Variants in TAX1BP1 observed in about 807,000 individuals in gnomAD.
The protein encoded by TAX1BP1 is Tax1 binding protein 1.
In TAX1BP1, 62 loss-of-function variants were observed where a neutral mutation model predicts 97.7. That is an observed-to-expected ratio of 0.63 (90% confidence interval 0.52 to 0.78). The LOEUF is 0.78. TAX1BP1 is among the 30% of genes least tolerant of loss of function. The pLI, the probability that TAX1BP1 is intolerant of heterozygous loss-of-function variation, is 0.00. For missense variants in TAX1BP1, 867 were observed against 916.1 expected (o/e 0.95, Z 0.69); for synonymous variants, 340 against 304.2 (o/e 1.12, Z -1.23).
intron 5 of TAX1BP1, 73 bp from the exon 6 acceptor site, chr7:27,785,090 T>G: frequency 1.4e-6 from 2 of 1,454,446 alleles, no homozygotes; most frequent in Non-Finnish European, 1.8e-6. Context: ...CATAGTTTTC[T>G]TAAAGATATG....
At chr7:27,815,142 C>T (rs1404882458) in intron 13 of TAX1BP1, among the ~76,000 whole-genome samples, 1 of 152,106 alleles carries the variant, frequency 6.6e-6, no homozygotes, top group African/African-American at 2.4e-5. Context: ...CTTAATTTTG[C>T]CTTGATCCAC....
rs556433088 is a variant in TAX1BP1 at position 27,743,314 on chromosome 7, C to CT, written c.-8+3052dup. ...GGTCTGTTGAGAGTTGTTAGTCTTT[C>CT]TTTTTTTGAGCCACAGTGTGAATAA... On this transcript the variant is annotated intron_variant, in intron 1 of 16. Transcript: ENST00000396319. Among the ~76,000 whole-genome samples, 12 of 152,144 alleles carry CT rather than the reference C, an allele frequency of 7.9e-5. No individual in the cohort carries two copies. In the East Asian group the frequency reaches 2.3e-3, roughly 29 times the overall value.
At chr7:27,748,732 T>C (rs1442773179) in intron 2 of TAX1BP1, 46 bp downstream of exon 2, 3 of 1,411,938 alleles carry the variant, frequency 2.1e-6, no homozygotes, top group Admixed American at 2.4e-5. Flanking sequence ...CACTTAAAAT[T>C]TTCTTTTAAA....
chr7:27,804,365 G>A (rs550390369), intron 13 of TAX1BP1, among the ~76,000 whole-genome samples: 161 of 152,246 alleles, frequency 1.1e-3, no homozygotes, highest in African/African-American at 3.7e-3. Context: ...TTGTCCTTTG[G>A]CATTCTACTA....
In TAX1BP1 at chr7:27,748,660, C is replaced by G. The variant is rs1236844016; in HGVS notation, c.136C>G (p.Pro46Ala). Reference sequence around the variant, plus strand: ...CTTAACTCCATATATTCATCCACATCCAAAAGATTGGGTTGGTATATTCAA... The same window carrying G: ...CTTAACTCCATATATTCATCCACATGCAAAAGATTGGGTTGGTATATTCAA... The part of the protein sequence containing the change: ...YTLTPYIHPH[P>A]KDWVGIFKVG... Residue 46 changes from proline to alanine, a missense_variant, in exon 2 of 17, where the codon CCA (proline) becomes GCA (alanine). Around this residue, in one of 3 missense-constraint regions of TAX1BP1, gnomAD observed 822 missense variants for 851.4 expected, o/e 0.97. Transcript: ENST00000396319. 1 of 1,558,484 alleles carries G rather than the reference C, an allele frequency of 6.4e-7. No individual in the cohort carries two copies.
chr7:27,783,489 T>C (rs1185097923), intron 5 of TAX1BP1, among the ~76,000 whole-genome samples: 1 of 152,178 alleles, frequency 6.6e-6, no homozygotes, highest in Admixed American at 6.5e-5. Flanking sequence ...ATCAGGTGCC[T>C]TTATGGGCAC....
intron 13 of TAX1BP1, among the ~76,000 whole-genome samples, chr7:27,815,454 C>T (rs1790731186): frequency 6.6e-6 from 1 of 152,028 alleles, no homozygotes; most frequent in Non-Finnish European, 1.5e-5. Context: ...TGTTGAACTG[C>T]ATTTGGTTTT....
At chr7:27,765,259 A>G (rs1276255675) in intron 3 of TAX1BP1, among the ~76,000 whole-genome samples, 3 of 151,656 alleles carry the variant, frequency 2.0e-5, no homozygotes, top group Non-Finnish European at 4.4e-5. Flanking sequence ...GCTCAAGCGA[A>G]TCTGCCCACC....
At chr7:27,758,321 A>C (rs1008128540) in intron 3 of TAX1BP1, 188 bp downstream of exon 3, 4 of 391,110 alleles carry the variant, frequency 1.0e-5, no homozygotes, top group Non-Finnish European at 1.4e-5. Flanking sequence ...TTTTATGTAG[A>C]CATTTAAAAG....
intron 2 of TAX1BP1, 80 bp from the exon 3 acceptor site, chr7:27,757,951 A>T: frequency 1.3e-6 from 1 of 757,372 alleles, no homozygotes; most frequent in East Asian, 2.6e-5. Context: ...TGTAAAATAC[A>T]ATAAATAAAC....
intron 3 of TAX1BP1, among the ~76,000 whole-genome samples, chr7:27,764,437 G>A (rs1788541604): frequency 6.6e-6 from 1 of 152,176 alleles, no homozygotes; most frequent in South Asian, 2.1e-4. Context: ...TGGGAAGAAT[G>A]CCATAGAAAC....
intron 8 of TAX1BP1, among the ~76,000 whole-genome samples, chr7:27,788,886 T>C (rs1047763634): frequency 6.6e-6 from 1 of 152,070 alleles, no homozygotes; most frequent in Non-Finnish European, 1.5e-5. Flanking sequence ...ACTATGGGGC[T>C]GCTGCTTTGC....
Position 27,827,830 on chromosome 7 carries a change from T to C in TAX1BP1, c.2168+10T>C. ...TTTGCTTTGATTCCAGGTAGTTTTC[T>C]TCTTTACTTTGTAGAATTTGGGTTA... On this transcript the variant is annotated intron_variant, in intron 16 of 16. Coordinates refer to ENST00000396319, the MANE Select transcript of TAX1BP1 (RefSeq NM_006024.7). 1.9e-6 allele frequency: 3 copies of C among 1,612,336 alleles called. No homozygotes were observed. In the South Asian group the frequency reaches 3.3e-5, roughly 18 times the overall value.
chr7:27,805,090 T>C (rs1425787635), intron 13 of TAX1BP1, among the ~76,000 whole-genome samples: 1 of 152,228 alleles, frequency 6.6e-6, no homozygotes, highest in Non-Finnish European at 1.5e-5. Flanking sequence ...TTGTTAGAGA[T>C]TGCCAGATGC....
In TAX1BP1 at chr7:27,827,424, A is replaced by G. The variant is rs531582561; in HGVS notation, c.2086-314A>G. Among the ~76,000 whole-genome samples the G allele has an allele frequency of 9.9e-5, 15 of 152,124 alleles. No homozygotes were observed. The South Asian group carries it at 3.1e-3, about 32-fold the overall frequency. ...TAAAGTCAGTAAAAGTTACCTACGTATATAGGTTTGAAAAGGTCTACTGTT... is the reference window on the plus strand; with the variant it reads ...TAAAGTCAGTAAAAGTTACCTACGTGTATAGGTTTGAAAAGGTCTACTGTT... On this transcript the variant is annotated intron_variant, in intron 15 of 16. Coordinates refer to ENST00000396319, the MANE Select transcript of TAX1BP1 (RefSeq NM_006024.7).
rs1001750048 is a variant in TAX1BP1, at chr7:27,745,064, G to A, written c.-7-3454G>A. Among the ~76,000 whole-genome samples, 10 of 152,144 alleles carry A rather than the reference G, an allele frequency of 6.6e-5. No homozygotes were observed. In the East Asian group the frequency reaches 1.5e-3, roughly 23 times the overall value. On this transcript the variant is annotated intron_variant, in intron 1 of 16. Coordinates refer to ENST00000396319, the MANE Select transcript of TAX1BP1 (RefSeq NM_006024.7). ...CTGGCCCCTTAATTGTTGACTGGAC[G>A]TTTCATACTTATCCTTGGCTTGCCT...
intron 5 of TAX1BP1, 68 bp downstream of exon 5, chr7:27,769,902 G>A: frequency 2.7e-5 from 40 of 1,487,490 alleles, no homozygotes; most frequent in Non-Finnish European, 3.6e-5. Context: ...TTTTTAAAGA[G>A]CTGAACCAAT....
chr7:27,749,431 A>G (rs1440591334), intron 2 of TAX1BP1, among the ~76,000 whole-genome samples: 1 of 152,210 alleles, frequency 6.6e-6, no homozygotes, highest in Non-Finnish European at 1.5e-5. Flanking sequence ...AGTCTTCCTC[A>G]GAATCAGTTT....
intron 1 of TAX1BP1, among the ~76,000 whole-genome samples, chr7:27,742,592 A>G (rs1787663542): frequency 1.3e-5 from 2 of 152,174 alleles, no homozygotes; most frequent in South Asian, 4.1e-4. Context: ...AGACACAGTA[A>G]CAGTCTGATC....
Sources: gnomAD v4.1 joint callset for allele counts (sites outside exome capture counted in the v4.1 genomes callset) on GRCh38, gnomAD v4.1.1 for gene constraint, gnomAD v4.1.1 regional missense constraint, MANE v1.5 for transcripts, NCBI Gene and HGNC (gene_info 2026-07-23, HGNC 2026-07-21) for gene names.